Variants in AVL9 observed in about 807,000 individuals in gnomAD.
The protein encoded by AVL9 is AVL9 cell migration associated.
In AVL9, 49 loss-of-function variants were observed where a neutral mutation model predicts 79.2. That is an observed-to-expected ratio of 0.62 (90% CI 0.49 to 0.79). The LOEUF (loss-of-function observed/expected upper bound fraction) is 0.79. Ranked by LOEUF, AVL9 falls within the 30% of genes least tolerant of loss-of-function variation. The probability of loss-of-function intolerance (pLI) is 0.00; values close to 1 mark genes in which losing one functional copy is unlikely to be tolerated. For missense variants in AVL9, 682 were observed against 776.8 expected, an observed-to-expected ratio of 0.88 and a Z score of 1.45; for synonymous variants, 299 against 280.6, an observed-to-expected ratio of 1.07 and a Z score of -0.65.
At position 32,585,886 on chromosome 7, in the gene AVL9, G is replaced by A. The variant is rs1394907210; in HGVS notation, c.*1979G>A. The A allele has an allele frequency of 6.6e-6, 1 of 152,090 alleles. No individual in the cohort carries two copies. The highest frequency in any genetic ancestry group is 1.5e-5 in the Non-Finnish European group (1 of 68,006). The allele number at this position is 152,090 out of a possible 1,614,324, so 9.4% of individuals were successfully genotyped here. ...ACAGTACTTGAATCTTTTTTGCGCT[G>A]AGACTATAAAGAATTCATTCTAACA... On this transcript the variant is annotated 3_prime_UTR_variant, in exon 16 of 16. Transcript: ENST00000318709.
intron 8 of AVL9, among the ~76,000 whole-genome samples, chr7:32,555,918 A>G (rs1790034165): frequency 6.6e-6 from 1 of 152,252 alleles, no homozygotes; most frequent in African/African-American, 2.4e-5. Context: ...CAAAGCTCTA[A>G]GAGAGTCTAT....
intron 4 of AVL9, 152 bp from the exon 5 acceptor site, chr7:32,551,182 A>G: frequency 1.7e-6 from 1 of 574,238 alleles, no homozygotes; most frequent in East Asian, 2.9e-5. Flanking sequence ...CACGGCTTTC[A>G]ACTATGAATA....
intron 3 of AVL9, among the ~76,000 whole-genome samples, chr7:32,547,403 A>T (rs1044921689): frequency 6.6e-6 from 1 of 152,186 alleles, no homozygotes; most frequent in Non-Finnish European, 1.5e-5. Flanking sequence ...TATTATCTTT[A>T]CATACTTATA....
At position 32,500,526 on chromosome 7, in the gene AVL9, C is replaced by T. The variant is rs141318831; in HGVS notation, c.93+4724C>T. ...AGATTGCAAAAATTTTCTCTCATTC[C>T]ATAGGTTGCCTGTTCACTCTAATGC... On this transcript the variant is annotated intron_variant, in intron 1 of 15. Coordinates refer to ENST00000318709, the MANE Select transcript of AVL9 (RefSeq NM_015060.3). Among the ~76,000 whole-genome samples, 1,047 of 151,980 alleles carry T rather than the reference C, an allele frequency of 6.9e-3. 4 individuals are homozygous for T. The highest frequency in any genetic ancestry group is 0.011 in the Non-Finnish European group (764 of 67,952).
chr7:32,551,229 C>T, intron 4 of AVL9, 105 bp from the exon 5 acceptor site: 1 of 734,724 alleles, frequency 1.4e-6, no homozygotes, highest in Non-Finnish European at 2.3e-6. Flanking sequence ...ACTTTTTTCT[C>T]CAAATTAAAA....
intron 1 of AVL9, chr7:32,535,225 G>A (rs1788842644): frequency 6.6e-6 from 1 of 152,086 alleles, no homozygotes; most frequent in South Asian, 2.1e-4. Context: ...GGCTCCCTCC[G>A]CCTTATGGAA....
At chr7:32,503,367 T>C (rs199759266) in intron 1 of AVL9, among the ~76,000 whole-genome samples, 22,212 of 87,586 alleles carry the variant, frequency 0.25, 2,457 homozygotes, top group South Asian at 0.31. Context: ...GAGAGATATA[T>C]ATATATACAC....
chr7:32,509,030 C>G (rs1479268593), intron 1 of AVL9, among the ~76,000 whole-genome samples: 1 of 152,144 alleles, frequency 6.6e-6, no homozygotes, highest in Admixed American at 6.6e-5. Flanking sequence ...ATCTAAGGAT[C>G]AGTTTGAGGA....
intron 10 of AVL9, among the ~76,000 whole-genome samples, chr7:32,560,177 G>A (rs1790270634): frequency 6.6e-6 from 1 of 151,672 alleles, no homozygotes. Flanking sequence ...TCACACCACT[G>A]TACTCCAGAC....
chr7:32,517,642 A>G lies in AVL9; in HGVS notation c.93+21840A>G, dbSNP rs1787964223. ...TTAATCTAGCTTTAAAATTACTTGT[A>G]AAGTAATATGAGAAATGTCTTAAGA... On this transcript the variant is annotated intron_variant, in intron 1 of 15. Transcript: ENST00000318709. Among the ~76,000 whole-genome samples, 6 of 152,244 alleles carry G rather than the reference A, an allele frequency of 3.9e-5. No individual in the cohort carries two copies. The South Asian group carries it at 1.2e-3, about 32-fold the overall frequency.
intron 3 of AVL9, among the ~76,000 whole-genome samples, chr7:32,545,543 A>AT (rs887915189): frequency 1.3e-5 from 2 of 150,692 alleles, no homozygotes; most frequent in African/African-American, 2.4e-5. Flanking sequence ...TAATTTTTGT[A>AT]TTTTTTTATG....
rs1195488546 is a variant in AVL9, at chr7:32,588,601, T to C, written c.*4694T>C. On this transcript the variant is annotated 3_prime_UTR_variant, in exon 16 of 16. Coordinates refer to ENST00000318709, the MANE Select transcript of AVL9 (RefSeq NM_015060.3). ...TACTAGTTCTTTATTTCTGTTGTTT[T>C]TTTAAATTGTTAAAATTATAAATCA... The C allele has an allele frequency of 6.6e-6, 1 of 152,228 alleles. No individual in the cohort carries two copies. Among genetic ancestry groups the C allele is most frequent in the Non-Finnish European group, 1.5e-5 (1 of 68,046 alleles). The allele number at this position is 152,228 out of a possible 1,614,324, so 9.4% of individuals were successfully genotyped here.
At chr7:32,541,147 C>A (rs971916163) in intron 1 of AVL9, among the ~76,000 whole-genome samples, 1 of 151,708 alleles carries the variant, frequency 6.6e-6, no homozygotes, top group Non-Finnish European at 1.5e-5. Flanking sequence ...GTGATCCGCC[C>A]GCCTCGGCCT....
In AVL9 at chr7:32,584,191, T is replaced by TGTAC. The variant is rs1791657831; in HGVS notation, c.*285_*288dup. The TGTAC allele has an allele frequency of 2.5e-6, 1 of 399,574 alleles. No individual in the cohort carries two copies. Among genetic ancestry groups the TGTAC allele is most frequent in the Admixed American group, 3.8e-5 (1 of 26,094 alleles). 24.8% of individuals were successfully genotyped at this position (399,574 alleles called of 1,614,324 possible). The stretch of plus-strand genomic sequence containing the variant: ...TCTAATGAATTTTGAGTTCTGATAT[T>TGTAC]GTACATTGGTTTACTTTAGAAGAGT... On this transcript the variant is annotated 3_prime_UTR_variant, in exon 16 of 16. Transcript: ENST00000318709.
intron 1 of AVL9, among the ~76,000 whole-genome samples, chr7:32,497,337 A>G (rs1786879222): frequency 6.6e-6 from 1 of 152,200 alleles, no homozygotes. Context: ...CCTGGGCAAC[A>G]AGAGCGAAAA....
At chr7:32,507,230 C>G (rs1434947643) in intron 1 of AVL9, among the ~76,000 whole-genome samples, 1 of 152,104 alleles carries the variant, frequency 6.6e-6, no homozygotes, top group East Asian at 1.9e-4. Flanking sequence ...GTTAGGCCTT[C>G]TTGATAGGCA....
At chr7:32,515,292 CT>C (rs1314560677) in intron 1 of AVL9, among the ~76,000 whole-genome samples, 1 of 152,194 alleles carries the variant, frequency 6.6e-6, no homozygotes, top group East Asian at 1.9e-4. Context: ...GAAAGAGACT[CT>C]GAGTATAGGT....
At chr7:32,536,881 G>T (rs1788935600) in intron 1 of AVL9, 1 of 152,244 alleles carries the variant, frequency 6.6e-6, no homozygotes, top group East Asian at 1.9e-4. Flanking sequence ...TGGAAGAGAT[G>T]AATAAGGCAA....
At chr7:32,499,475 T>C (rs1234561848) in intron 1 of AVL9, among the ~76,000 whole-genome samples, 1 of 152,192 alleles carries the variant, frequency 6.6e-6, no homozygotes, top group African/African-American at 2.4e-5. Context: ...TTTTGGCCAC[T>C]TTTCTGATAG....
Sources: gnomAD v4.1 joint callset for allele counts (sites outside exome capture counted in the v4.1 genomes callset) on GRCh38, gnomAD v4.1.1 for gene constraint, MANE v1.5 for transcripts, NCBI Gene and HGNC (gene_info 2026-07-23, HGNC 2026-07-21) for gene names.